The following SVBP variants were observed in gnomAD, a reference collection of about 807,000 sequenced individuals.
The protein encoded by SVBP is small vasohibin-binding protein.
Under a neutral mutation model 9.2 loss-of-function variants are expected in SVBP, and 9 were observed. The ratio of observed to expected loss-of-function variants is 0.98; its 90% confidence interval spans 0.59 to 1.71. The LOEUF is 1.71. Among genes scored for constraint, SVBP ranks in the 40% most tolerant of loss-of-function variants. The probability of loss-of-function intolerance (pLI) is 0.00; values close to 1 mark genes in which losing one functional copy is unlikely to be tolerated. For synonymous variants in SVBP, 27 were observed against 23.9 expected (o/e 1.13, Z -0.37); for missense variants, 63 against 73.2 (o/e 0.86, Z 0.51).
At chr1:42,807,542 G>C in intron 2 of SVBP, 42 bp from the exon 3 acceptor site, 1 of 1,442,852 alleles carries the variant, frequency 6.9e-7, no homozygotes, top group Non-Finnish European at 9.8e-7. Flanking sequence ...AATGGAAGCA[G>C]CTGCACAAAG....
intron 1 of SVBP, chr1:42,816,934 T>A (rs1166927655): frequency 6.0e-6 from 1 of 165,682 alleles, no homozygotes; most frequent in African/African-American, 2.4e-5. Context: ...GGAACCGTCC[T>A]AATGGGACGC....
intron 2 of SVBP, among the ~76,000 whole-genome samples, chr1:42,808,182 T>C (rs962784677): frequency 8.4e-5 from 11 of 130,708 alleles, no homozygotes; most frequent in African/African-American, 1.4e-4. Context: ...TATATATACA[T>C]ACTATGTATA....
chr1:42,810,121 TACATACAC>T lies in SVBP; in HGVS notation c.115-2629_115-2622del, dbSNP rs1407044982. On this transcript the variant is annotated intron_variant, in intron 2 of 2. Coordinates refer to ENST00000372521, the MANE Select transcript of SVBP (RefSeq NM_199342.4). ...ACACACACACACACACACACATACA[TACATACAC>T]ACACACACACACACACACACACACA... Among the ~76,000 whole-genome samples the T allele has an allele frequency of 4.4e-4, 60 of 137,856 alleles. 3 individuals are homozygous for T. In the South Asian group the frequency reaches 5.5e-3, roughly 13 times the overall value. 90.4% of individuals were successfully genotyped at this position (137,856 alleles called of 152,430 possible).
intron 2 of SVBP, among the ~76,000 whole-genome samples, chr1:42,810,646 G>A (rs992295683): frequency 6.6e-6 from 1 of 152,064 alleles, no homozygotes; most frequent in African/African-American, 2.4e-5. Flanking sequence ...GCCAAAGAAT[G>A]ACTCTCAGTC....
chr1:42,815,223 T>C (rs1326356965), intron 2 of SVBP, among the ~76,000 whole-genome samples: 4 of 63,996 alleles, frequency 6.3e-5, no homozygotes, highest in Admixed American at 2.5e-4. Context: ...TGTTGTGGGG[T>C]GGGGGGAGGG....
chr1:42,809,732 G>A (rs1345715357), intron 2 of SVBP, among the ~76,000 whole-genome samples: 1 of 152,106 alleles, frequency 6.6e-6, no homozygotes, highest in Non-Finnish European at 1.5e-5. Context: ...TTGAAACACA[G>A]AATGCGGCTG....
intron 2 of SVBP, among the ~76,000 whole-genome samples, chr1:42,809,781 AAAAT>A (rs1159229353): frequency 6.6e-6 from 1 of 152,254 alleles, no homozygotes; most frequent in African/African-American, 2.4e-5. Flanking sequence ...TACCATAATA[AAAAT>A]AAATAAACTT....
chr1:42,816,247 A>C, intron 2 of SVBP, 184 bp downstream of exon 2: 1 of 520,410 alleles, frequency 1.9e-6, no homozygotes. Flanking sequence ...CTAACTTGGC[A>C]TGTGATTCTG....
chr1:42,807,799 T>C (rs1004737682), intron 2 of SVBP, among the ~76,000 whole-genome samples: 9 of 152,030 alleles, frequency 5.9e-5, no homozygotes, highest in African/African-American at 2.2e-4. Context: ...GAAGTAGAAG[T>C]TACATACAGG....
chr1:42,816,525 T>C lies in SVBP; in HGVS notation c.20A>G (p.Lys7Arg). Residue 7 changes from lysine to arginine, a missense_variant, in exon 2 of 3, where the codon AAA becomes AGA. Lys to Arg is a conservative substitution (Grantham distance 26). Coordinates refer to ENST00000372521, the MANE Select transcript of SVBP (RefSeq NM_199342.4). Reference sequence around the variant, plus strand: ...AGATTCTTTAACTTTGGTTTTTTCTTTACGTGCAGGTGGATCCATGGCTTG... The same window carrying C: ...AGATTCTTTAACTTTGGTTTTTTCTCTACGTGCAGGTGGATCCATGGCTTG... Reference protein sequence around the residue: MDPPARKEKTKVKESVS... With the variant: MDPPARREKTKVKESVS... 2 of 1,614,004 alleles carry C rather than the reference T, an allele frequency of 1.2e-6. No individual in the cohort carries two copies. The highest frequency in any genetic ancestry group is 1.7e-6 in the Non-Finnish European group (2 of 1,179,846).
chr1:42,808,149 GTATATATATATA>G (rs781743959), intron 2 of SVBP, among the ~76,000 whole-genome samples: 4 of 58,328 alleles, frequency 6.9e-5, no homozygotes, highest in African/African-American at 2.7e-4. Context: ...GTGTGTGTGT[GTATATATATATA>G]TATATATATA....
chr1:42,816,547 C>G lies in SVBP; in HGVS notation c.-3G>C, dbSNP rs1654214379. ...TCTTTACGTGCAGGTGGATCCATGGCTTGACTTCTGGATATTTCTTAGGAG... is the reference window on the plus strand; with the variant it reads ...TCTTTACGTGCAGGTGGATCCATGGGTTGACTTCTGGATATTTCTTAGGAG... On this transcript the variant is annotated 5_prime_UTR_variant, in exon 2 of 3. Coordinates refer to ENST00000372521, the MANE Select transcript of SVBP (RefSeq NM_199342.4). 3 of 1,603,528 alleles carry G rather than the reference C, an allele frequency of 1.9e-6. No homozygotes were observed. The highest frequency in any genetic ancestry group is 2.2e-5 in the South Asian group (2 of 90,858).
At position 42,817,201 on chromosome 1, in the gene SVBP, G is replaced by C. The variant is rs1654246458; in HGVS notation, c.-48C>G. The C allele has an allele frequency of 1.6e-6, 2 of 1,254,926 alleles. No homozygotes were observed. Among genetic ancestry groups the C allele is most frequent in the Non-Finnish European group, 2.1e-6 (2 of 973,424 alleles). 77.7% of individuals were successfully genotyped at this position (1,254,926 alleles called of 1,614,324 possible). On this transcript the variant is annotated 5_prime_UTR_variant, in exon 1 of 3. Transcript: ENST00000372521. The stretch of plus-strand genomic sequence containing the variant: ...TTGGGAGTCTGTACCTTTCCCGACC[G>C]GGCCACTGGAAGTTGGAGCCTCCGC...
intron 2 of SVBP, among the ~76,000 whole-genome samples, chr1:42,810,115 CAT>C (rs199583230): frequency 0.035 from 4,224 of 120,242 alleles, 215 homozygotes; most frequent in African/African-American, 0.12. Flanking sequence ...CACACACACA[CAT>C]ACATACATAC....
At chr1:42,815,116 G>C (rs1654169131) in intron 2 of SVBP, among the ~76,000 whole-genome samples, 1 of 149,384 alleles carries the variant, frequency 6.7e-6, no homozygotes, top group South Asian at 2.1e-4. Context: ...ACTATCGTAA[G>C]AACAAAAAAC....
rs755761327 is a variant in SVBP, at chr1:42,807,247, TGG to T, written c.*165_*166del. ...TCAGCAAGCATGTGGCCAATTCAGA[TGG>T]GAGGAACCAGTGAAGTTAGAAGTTA... On this transcript the variant is annotated 3_prime_UTR_variant, in exon 3 of 3. Coordinates refer to ENST00000372521, the MANE Select transcript of SVBP (RefSeq NM_199342.4). 2.2e-5 allele frequency: 10 copies of T among 447,082 alleles called. No homozygotes were observed. Among genetic ancestry groups the T allele is most frequent in the African/African-American group, 4.0e-5 (2 of 49,816 alleles). 27.7% of individuals were successfully genotyped at this position (447,082 alleles called of 1,614,324 possible). A position where few individuals can be genotyped will look rare whatever the true frequency, so the allele number is the denominator to read the frequency against.
At chr1:42,813,155 G>T (rs923253846) in intron 2 of SVBP, among the ~76,000 whole-genome samples, 3 of 151,208 alleles carry the variant, frequency 2.0e-5, no homozygotes, top group African/African-American at 4.9e-5. Flanking sequence ...GAAGAATGAG[G>T]AGTATTTTTT....
At chr1:42,814,807 T>C (rs1654163788) in intron 2 of SVBP, among the ~76,000 whole-genome samples, 3 of 152,170 alleles carry the variant, frequency 2.0e-5, no homozygotes, top group Non-Finnish European at 4.4e-5. Flanking sequence ...GAAGACAATG[T>C]GGTGATTCCT....
intron 2 of SVBP, among the ~76,000 whole-genome samples, chr1:42,810,121 TACATACACACAC>T (rs1157108569): frequency 1.5e-5 from 2 of 137,764 alleles, no homozygotes; most frequent in Non-Finnish European, 3.1e-5. Flanking sequence ...CACACATACA[TACATACACACAC>T]ACACACACAC....
Sources: allele counts gnomAD v4.1 joint callset (sites outside exome capture counted in the v4.1 genomes callset), GRCh38; gene constraint gnomAD v4.1.1; transcripts MANE v1.5; gene names NCBI Gene and HGNC (gene_info 2026-07-23, HGNC 2026-07-21).